The following DPP10 variants were observed in gnomAD, a reference collection of about 807,000 sequenced individuals.
The protein encoded by DPP10 is inactive dipeptidyl peptidase 10.
DPP10 carries 33 observed loss-of-function variants against 120.9 expected under a neutral mutation model. The observed-to-expected ratio is 0.27, with a 90% CI of 0.21 to 0.37. The LOEUF is 0.37. Among genes scored for constraint, DPP10 ranks in the 10% least tolerant of loss-of-function variants. DPP10 has a pLI of 1.00. For missense variants in DPP10, 816 were observed against 942.8 expected (o/e 0.87, Z 1.76); for synonymous variants, 337 against 326.1 (o/e 1.03, Z -0.36).
chr2:115,545,060 A>G (rs2079416272), intron 5 of DPP10, among the ~76,000 whole-genome samples: 1 of 151,966 alleles, frequency 6.6e-6, no homozygotes, highest in East Asian at 1.9e-4. Context: ...ACTGAGGCCC[A>G]AAAAAGTCAA....
At chr2:115,139,742 A>T (rs866236865) in intron 1 of DPP10, among the ~76,000 whole-genome samples, 62 of 151,030 alleles carry the variant, frequency 4.1e-4, no homozygotes, top group African/African-American at 8.2e-4. Flanking sequence ...AAAAAAAAAA[A>T]AAAAAAAAAA....
chr2:115,672,169 T>A (rs1443995376), intron 5 of DPP10, among the ~76,000 whole-genome samples: 3 of 152,188 alleles, frequency 2.0e-5, no homozygotes, highest in Non-Finnish European at 4.4e-5. Context: ...TTTGAAAATC[T>A]TTTAGTTATT....
intron 1 of DPP10, among the ~76,000 whole-genome samples, chr2:115,166,530 T>TATA (rs2052876401): frequency 1.8e-5 from 2 of 111,110 alleles, no homozygotes; most frequent in African/African-American, 3.7e-5. Context: ...TATAAATATA[T>TATA]ATATAAATTT....
At chr2:115,737,691 C>T (rs904216461) in intron 8 of DPP10, among the ~76,000 whole-genome samples, 8 of 152,126 alleles carry the variant, frequency 5.3e-5, no homozygotes, top group African/African-American at 1.9e-4. Context: ...AGTTTTACAG[C>T]TTGCCTGGGA....
intron 3 of DPP10, among the ~76,000 whole-genome samples, chr2:115,429,008 C>T (rs116807737): frequency 0.011 from 1,588 of 149,940 alleles, 37 homozygotes; most frequent in African/African-American, 0.037. Context: ...TATCAGGTAG[C>T]GACATAAGAA....
chr2:115,707,910 G>A (rs917661764), intron 7 of DPP10, among the ~76,000 whole-genome samples: 2 of 151,684 alleles, frequency 1.3e-5, no homozygotes, highest in Admixed American at 1.3e-4. Flanking sequence ...TTAAATTACA[G>A]AATTGATTAC....
chr2:114,751,108 A>G (rs1376577260), intron 1 of DPP10, among the ~76,000 whole-genome samples: 1 of 152,216 alleles, frequency 6.6e-6, no homozygotes, highest in African/African-American at 2.4e-5. Flanking sequence ...GTCGTTTTGC[A>G]TGTGCGCAGA....
chr2:114,571,528 T>C (rs949794568), intron 1 of DPP10, among the ~76,000 whole-genome samples: 4 of 152,110 alleles, frequency 2.6e-5, no homozygotes, highest in Non-Finnish European at 5.9e-5. Context: ...ACCTTTAACA[T>C]ACGTGTAATG....
At chr2:115,686,033 CTTG>C (rs2090969283) in intron 5 of DPP10, among the ~76,000 whole-genome samples, 2 of 152,022 alleles carry the variant, frequency 1.3e-5, no homozygotes, top group African/African-American at 4.8e-5. Flanking sequence ...AATTGAGTTG[CTTG>C]TTGTCTACTT....
At chr2:115,246,637 G>A (rs941460109) in intron 1 of DPP10, among the ~76,000 whole-genome samples, 20 of 152,070 alleles carry the variant, frequency 1.3e-4, no homozygotes, top group African/African-American at 4.6e-4. Flanking sequence ...GAGGAGAGGC[G>A]ACAGAACGGA....
At chr2:115,141,130 C>A (rs960373879) in intron 1 of DPP10, among the ~76,000 whole-genome samples, 1 of 152,084 alleles carries the variant, frequency 6.6e-6, no homozygotes. Context: ...AATATTTTAT[C>A]TTCTAAACAT....
intron 1 of DPP10, among the ~76,000 whole-genome samples, chr2:115,119,784 T>C (rs761567919): frequency 1.3e-5 from 2 of 152,122 alleles, no homozygotes; most frequent in African/African-American, 2.4e-5. Flanking sequence ...TATTTGGAAT[T>C]TGATGGCCTG....
chr2:115,427,630 A>G (rs567827571), intron 3 of DPP10, among the ~76,000 whole-genome samples: 4 of 152,236 alleles, frequency 2.6e-5, no homozygotes, highest in African/African-American at 9.6e-5. Context: ...CACCAAAACC[A>G]TTCAGTCCCC....
intron 1 of DPP10, among the ~76,000 whole-genome samples, chr2:114,810,497 C>G (rs536498044): frequency 2.6e-5 from 4 of 152,196 alleles, no homozygotes; most frequent in Non-Finnish European, 4.4e-5. Flanking sequence ...TTGCAAGCCA[C>G]TGACTTAGAT....
intron 1 of DPP10, among the ~76,000 whole-genome samples, chr2:114,924,824 A>G (rs916395122): frequency 6.6e-6 from 1 of 152,198 alleles, no homozygotes; most frequent in African/African-American, 2.4e-5. Context: ...AAACAAAAAA[A>G]CTCACAGCAT....
intron 2 of DPP10, among the ~76,000 whole-genome samples, chr2:115,334,374 TGTA>T (rs1167542839): frequency 1.3e-4 from 20 of 151,574 alleles, no homozygotes; most frequent in African/African-American, 4.6e-4. Context: ...GTAAAACAGA[TGTA>T]GTGTATTTGA....
chr2:115,324,542 A>G (rs1194809162), intron 2 of DPP10, among the ~76,000 whole-genome samples: 1 of 152,178 alleles, frequency 6.6e-6, no homozygotes, highest in African/African-American at 2.4e-5. Flanking sequence ...CAGCCTTCAC[A>G]GAATTGAAGA....
chr2:114,872,409 G>A (rs868476746), intron 1 of DPP10, among the ~76,000 whole-genome samples: 11 of 152,136 alleles, frequency 7.2e-5, no homozygotes, highest in African/African-American at 2.2e-4. Flanking sequence ...CCCCCAACAC[G>A]TGGGTATTAC....
chr2:115,006,547 A>G (rs1379428482), intron 1 of DPP10, among the ~76,000 whole-genome samples: 1 of 149,252 alleles, frequency 6.7e-6, no homozygotes, highest in Non-Finnish European at 1.5e-5. Context: ...TGGAAAACAA[A>G]AAAAGGCAGG....
Sources: allele counts gnomAD v4.1 joint callset (sites outside exome capture counted in the v4.1 genomes callset), GRCh38; gene constraint gnomAD v4.1.1; transcripts MANE v1.5; gene names NCBI Gene and HGNC (gene_info 2026-07-23, HGNC 2026-07-21).